RASA1: variants seen among roughly 807,000 people sequenced by gnomAD.
The protein encoded by RASA1 is RAS p21 protein activator 1, also known as ras GTPase-activating protein 1.
In RASA1, 25 loss-of-function variants were observed where a neutral mutation model predicts 132.2. The ratio of observed to expected loss-of-function variants is 0.19; its 90% CI spans 0.14 to 0.26. The LOEUF (loss-of-function observed/expected upper bound fraction) is 0.26, where lower values mean the gene tolerates loss of function less well. RASA1 is among the 10% of genes least tolerant of loss of function. RASA1 has a pLI of 1.00. For synonymous variants in RASA1, 477 were observed against 449.9 expected (o/e 1.06, Z -0.76); for missense variants, 964 against 1,299.2 (o/e 0.74, Z 3.97).
chr5:87,387,713 C>T (rs1267892196), intron 23 of RASA1, among the ~76,000 whole-genome samples: 2 of 151,988 alleles, frequency 1.3e-5, no homozygotes, highest in Non-Finnish European at 2.9e-5. Context: ...ATCAGGAATG[C>T]CGTTGAGTCA....
chr5:87,337,824 A>G, intron 4 of RASA1, 150 bp from the exon 5 acceptor site: 1 of 785,716 alleles, frequency 1.3e-6, no homozygotes, highest in African/African-American at 1.8e-5. Flanking sequence ...GGATAATGCC[A>G]GAAATAGGAT....
chr5:87,381,868 A>G (rs549530264), intron 20 of RASA1, among the ~76,000 whole-genome samples: 1 of 152,336 alleles, frequency 6.6e-6, no homozygotes, highest in African/African-American at 2.4e-5. Flanking sequence ...TTTCAGGCTC[A>G]TAGACCTACT....
intron 6 of RASA1, among the ~76,000 whole-genome samples, chr5:87,343,326 C>T (rs1196028999): frequency 7.9e-5 from 12 of 152,088 alleles, no homozygotes; most frequent in Non-Finnish European, 1.8e-4. Flanking sequence ...AATCTCCTGC[C>T]AGGATTTGAT....
chr5:87,278,462 C>T (rs1324491171), intron 1 of RASA1, among the ~76,000 whole-genome samples: 1 of 151,504 alleles, frequency 6.6e-6, no homozygotes, highest in African/African-American at 2.4e-5. Context: ...AGGAGAATGG[C>T]GTGAACCTGG....
chr5:87,315,291 A>C (rs1238840676), intron 1 of RASA1, among the ~76,000 whole-genome samples: 5 of 152,230 alleles, frequency 3.3e-5, no homozygotes, highest in Non-Finnish European at 7.3e-5. Flanking sequence ...GGCATCTAGC[A>C]AGGGCCTTCT....
chr5:87,333,542 G>C (rs1200091405), intron 4 of RASA1, among the ~76,000 whole-genome samples: 1 of 152,156 alleles, frequency 6.6e-6, no homozygotes, highest in Non-Finnish European at 1.5e-5. Flanking sequence ...TGGCCTCAGT[G>C]AATATGATAG....
rs773957083 is a variant in RASA1, at chr5:87,369,858, T to G, written c.1656T>G (p.His552Gln). 3.7e-6 allele frequency: 6 copies of G among 1,612,254 alleles called. No homozygotes were observed. Among genetic ancestry groups the G allele is most frequent in the Non-Finnish European group, 5.1e-6 (6 of 1,178,928 alleles). Reference sequence around the variant, plus strand: ...TAGTTCAGCACTTTAGTGAAGAACATTACATCTTTTACTTTGCAGGAGAAA... The same window carrying G: ...TAGTTCAGCACTTTAGTGAAGAACAGTACATCTTTTACTTTGCAGGAGAAA... The part of the protein sequence containing the change: ...QIVVQHFSEE[H>Q]YIFYFAGETP... Residue 552 changes from histidine to glutamine, a missense_variant, in exon 12 of 25, where the codon CAT (histidine) becomes CAG (glutamine). Transcript: ENST00000274376.
rs139386250 is a variant in RASA1, at chr5:87,307,462, AAACAAC to A, written c.540-23860_540-23855del. On this transcript the variant is annotated intron_variant, in intron 1 of 24. Coordinates refer to ENST00000274376, the MANE Select transcript of RASA1 (RefSeq NM_002890.3). ...GGCAACAGAGCGAAACTCTGTCTCA[AAACAAC>A]AACAACAACAACAACAACAACAACA... 2.1e-3 allele frequency among the ~76,000 whole-genome samples: 319 copies of A among 151,002 alleles called. 1 individual carries two copies. The highest frequency in any genetic ancestry group is 6.8e-3 in the Middle Eastern group (2 of 294).
chr5:87,281,969 G>A (rs1470236079), intron 1 of RASA1, among the ~76,000 whole-genome samples: 2 of 152,222 alleles, frequency 1.3e-5, no homozygotes, highest in East Asian at 3.9e-4. Context: ...TATATGATTA[G>A]CAAATATTTT....
chr5:87,316,919 G>C lies in RASA1; in HGVS notation c.540-14429G>C, dbSNP rs575963542. Among the ~76,000 whole-genome samples the C allele has an allele frequency of 4.6e-5, 7 of 150,742 alleles. No homozygotes were observed. In the East Asian group the frequency reaches 1.4e-3, roughly 29 times the overall value. Reference sequence around the variant, plus strand: ...TTTTTTGGAGAAAGAGTCTTGCTCTGTTGCCCAGGCCAGAGTGCAGTGGCG... The same window carrying C: ...TTTTTTGGAGAAAGAGTCTTGCTCTCTTGCCCAGGCCAGAGTGCAGTGGCG... On this transcript the variant is annotated intron_variant, in intron 1 of 24. Coordinates refer to ENST00000274376, the MANE Select transcript of RASA1 (RefSeq NM_002890.3).
At chr5:87,389,649 T>A (rs1477741797) in intron 24 of RASA1, 122 bp downstream of exon 24, 3 of 1,300,988 alleles carry the variant, frequency 2.3e-6, no homozygotes, top group Non-Finnish European at 3.3e-6. Flanking sequence ...AGACTCTGCA[T>A]CATATTACAA....
chr5:87,278,748 G>C (rs1754178856), intron 1 of RASA1, among the ~76,000 whole-genome samples: 1 of 151,828 alleles, frequency 6.6e-6, no homozygotes, highest in South Asian at 2.1e-4. Flanking sequence ...GATATATTTA[G>C]TATTTAGTTC....
chr5:87,363,263 CAT>C, intron 10 of RASA1, 83 bp from the exon 11 acceptor site: 2 of 1,222,670 alleles, frequency 1.6e-6, no homozygotes, highest in Non-Finnish European at 2.3e-6. Flanking sequence ...TTGATTGATT[CAT>C]ATTTTTAGAA....
chr5:87,338,720 TAAGTG>T (rs1381746965), intron 5 of RASA1, among the ~76,000 whole-genome samples: 1 of 150,950 alleles, frequency 6.6e-6, no homozygotes, highest in African/African-American at 2.4e-5. Context: ...TTCTTCCTCA[TAAGTG>T]AAGTTATATC....
chr5:87,295,147 A>C (rs540802674), intron 1 of RASA1, among the ~76,000 whole-genome samples: 1 of 152,172 alleles, frequency 6.6e-6, no homozygotes, highest in Non-Finnish European at 1.5e-5. Flanking sequence ...GTCTGAAATT[A>C]ATATAGCTGC....
chr5:87,374,724 A>G, intron 14 of RASA1, 116 bp from the exon 15 acceptor site: 1 of 1,425,960 alleles, frequency 7.0e-7, no homozygotes, highest in South Asian at 1.3e-5. Context: ...TAGGTCTAGC[A>G]CACTGTTTTT....
rs1758891342 is a variant in RASA1 at position 87,346,737 on chromosome 5, TTACTTGCTTTTCTAA to T, written c.1102+15_1102+29del. 3 of 1,520,412 alleles carry T rather than the reference TTACTTGCTTTTCTAA, an allele frequency of 2.0e-6. No homozygotes were observed. The African/African-American group carries it at 4.1e-5, about 21-fold the overall frequency. 94.2% of individuals were successfully genotyped at this position (1,520,412 alleles called of 1,614,324 possible). On this transcript the variant is annotated intron_variant, in intron 7 of 24. Transcript: ENST00000274376. ...TTACTAATGACAGGTACTTACATATTTACTTGCTTTTCTAATGTCTATTTAAAGAGAATAAAAAAG... is the reference window on the plus strand; with the variant it reads ...TTACTAATGACAGGTACTTACATATTTGTCTATTTAAAGAGAATAAAAAAG...
intron 1 of RASA1, among the ~76,000 whole-genome samples, chr5:87,281,997 A>C (rs542575706): frequency 7.4e-4 from 112 of 152,228 alleles, no homozygotes; most frequent in African/African-American, 2.6e-3. Context: ...TCCACAGGCT[A>C]CTTTTTAGTT....
chr5:87,382,447 T>C (rs1270587629), intron 20 of RASA1, among the ~76,000 whole-genome samples: 1 of 152,222 alleles, frequency 6.6e-6, no homozygotes, highest in Non-Finnish European at 1.5e-5. Flanking sequence ...ATAATGCTTG[T>C]CTTTACATGG....
Sources: gnomAD v4.1 joint callset for allele counts (sites outside exome capture counted in the v4.1 genomes callset) on GRCh38, gnomAD v4.1.1 for gene constraint, MANE v1.5 for transcripts, NCBI Gene and HGNC (gene_info 2026-07-23, HGNC 2026-07-21) for gene names.